The following UTRN variants were observed in gnomAD, a reference collection of about 807,000 sequenced individuals.
UTRN encodes the protein dystrophin-related protein 1.
In UTRN, 283 loss-of-function variants were observed where a neutral mutation model predicts 463.9. That is an observed-to-expected ratio of 0.61 (90% CI 0.55 to 0.67). UTRN has a LOEUF of 0.67. Ranked by LOEUF, UTRN falls within the 30% of genes least tolerant of loss-of-function variation. The pLI is 0.00. For missense variants in UTRN, 3,922 were observed against 4,084.3 expected (o/e 0.96, Z 1.08); for synonymous variants, 1,442 against 1,431.5 (o/e 1.01, Z -0.17).
intron 55 of UTRN, among the ~76,000 whole-genome samples, chr6:144,748,746 A>G (rs937006501): frequency 6.6e-6 from 1 of 152,158 alleles, no homozygotes; most frequent in African/African-American, 2.4e-5. Context: ...GATAATTTAC[A>G]TTTATTTTTA....
intron 51 of UTRN, among the ~76,000 whole-genome samples, chr6:144,603,035 T>C (rs9403566): frequency 0.15 from 22,876 of 152,198 alleles, 1,936 homozygotes; most frequent in South Asian, 0.27. Flanking sequence ...ATGTAAAGCA[T>C]CTTTGCACAA....
rs200639749 is a variant in UTRN at position 144,474,691 on chromosome 6, G to C, written c.3268G>C (p.Gly1090Arg). 9 of 1,613,948 alleles carry C rather than the reference G, an allele frequency of 5.6e-6. No homozygotes were observed. The highest frequency in any genetic ancestry group is 7.6e-6 in the Non-Finnish European group (9 of 1,179,996). Residue 1090 changes from glycine (G) to arginine (R), a missense_variant, in exon 25 of 75, where the codon GGA becomes CGA. Physicochemically the swap from Gly to Arg is moderately radical, Grantham distance 125 (BLOSUM62 -2). Transcript: ENST00000367545. ...TAATCTTCGAAGTGGTCCAGTTGCT[G>C]GAATAAAAACTTGGGTGCAGACAAG... is the stretch of plus-strand genomic sequence containing the variant. Reference protein sequence around the residue: ...ETNLRSGPVAGIKTWVQTRLG... With the variant: ...ETNLRSGPVARIKTWVQTRLG...
chr6:144,404,376 A>G (rs149785933), intron 3 of UTRN, among the ~76,000 whole-genome samples: 1 of 152,306 alleles, frequency 6.6e-6, no homozygotes, highest in African/African-American at 2.4e-5. Context: ...CAGGTAACAT[A>G]TGTGCATCTC....
chr6:144,795,271 T>C (rs1452922763), intron 63 of UTRN, among the ~76,000 whole-genome samples: 1 of 152,220 alleles, frequency 6.6e-6, no homozygotes, highest in Non-Finnish European at 1.5e-5. Context: ...CAGTGTATCA[T>C]TGATGGGCAT....
At chr6:144,513,159 G>T (rs1345672466) in intron 35 of UTRN, among the ~76,000 whole-genome samples, 1 of 152,202 alleles carries the variant, frequency 6.6e-6, no homozygotes, top group Non-Finnish European at 1.5e-5. Flanking sequence ...TGGTGATACT[G>T]AGGTAAGGAT....
intron 2 of UTRN, among the ~76,000 whole-genome samples, chr6:144,395,280 C>G (rs939890287): frequency 6.6e-6 from 1 of 152,214 alleles, no homozygotes; most frequent in South Asian, 2.1e-4. Context: ...AATCTTCACT[C>G]CAGGACAAAA....
chr6:144,759,505 C>T (rs995572762), intron 58 of UTRN, among the ~76,000 whole-genome samples: 1 of 152,032 alleles, frequency 6.6e-6, no homozygotes, highest in Non-Finnish European at 1.5e-5. Context: ...GAAAGATGCT[C>T]ACATCATAAT....
At chr6:144,589,026 ATTAAT>A (rs1802747548) in intron 51 of UTRN, among the ~76,000 whole-genome samples, 1 of 152,218 alleles carries the variant, frequency 6.6e-6, no homozygotes. Flanking sequence ...CTCTAAAAAG[ATTAAT>A]TTATAACAAA....
At chr6:144,599,696 A>T (rs1804034510) in intron 51 of UTRN, among the ~76,000 whole-genome samples, 1 of 152,200 alleles carries the variant, frequency 6.6e-6, no homozygotes, top group East Asian at 1.9e-4. Flanking sequence ...AGTAGAAAGG[A>T]AGGAAGAAGA....
At chr6:144,324,065 T>C (rs1192044199) in intron 2 of UTRN, among the ~76,000 whole-genome samples, 2 of 152,190 alleles carry the variant, frequency 1.3e-5, no homozygotes, top group Non-Finnish European at 1.5e-5. Context: ...AGGCAGACCT[T>C]TAGGGGTCAG....
intron 58 of UTRN, among the ~76,000 whole-genome samples, chr6:144,771,322 G>A (rs970713606): frequency 3.3e-5 from 5 of 152,014 alleles, no homozygotes; most frequent in Admixed American, 6.6e-5. Context: ...ATGAGGTCTC[G>A]CTATGTTGCC....
Position 144,789,973 on chromosome 6 carries a change from G to A in UTRN, c.8920+694G>A, listed in dbSNP as rs911520440. On this transcript the variant is annotated intron_variant, in intron 62 of 74. Coordinates refer to ENST00000367545, the MANE Select transcript of UTRN (RefSeq NM_007124.3). ...AATCTCTACCACTTAGTAGCTGAGTGTCTTTGGGCAGGTTATGTGATTTCA... is the reference window on the plus strand; with the variant it reads ...AATCTCTACCACTTAGTAGCTGAGTATCTTTGGGCAGGTTATGTGATTTCA... Among the ~76,000 whole-genome samples, 5 of 152,212 alleles carry A rather than the reference G, an allele frequency of 3.3e-5. 1 individual carries two copies. The highest frequency in any genetic ancestry group is 1.2e-4 in the African/African-American group (5 of 41,450).
intron 51 of UTRN, among the ~76,000 whole-genome samples, chr6:144,606,473 A>G (rs189470853): frequency 6.6e-5 from 10 of 152,320 alleles, no homozygotes; most frequent in Non-Finnish European, 1.0e-4. Flanking sequence ...GACATTTTCA[A>G]TATTTTCATT....
intron 2 of UTRN, among the ~76,000 whole-genome samples, chr6:144,388,255 G>A (rs1042695886): frequency 2.0e-5 from 3 of 151,898 alleles, no homozygotes; most frequent in Non-Finnish European, 4.4e-5. Context: ...AATACATTGT[G>A]AAAATCCTTC....
intron 63 of UTRN, among the ~76,000 whole-genome samples, chr6:144,796,812 T>G (rs1356695026): frequency 6.6e-6 from 1 of 152,230 alleles, no homozygotes; most frequent in Non-Finnish European, 1.5e-5. Context: ...GGTTATTACA[T>G]TTTATAATGG....
In UTRN at chr6:144,485,603, G is replaced by T. The variant is rs943201135; in HGVS notation, c.3822+84G>T. ...TACAATGAGGAATGTAATGCTTTACGCAGGCAAATGCATTTGCTTCCTCAG... is the reference window on the plus strand; with the variant it reads ...TACAATGAGGAATGTAATGCTTTACTCAGGCAAATGCATTTGCTTCCTCAG... On this transcript the variant is annotated intron_variant, in intron 28 of 74. Coordinates refer to ENST00000367545, the MANE Select transcript of UTRN (RefSeq NM_007124.3). 2.6e-6 allele frequency: 4 copies of T among 1,548,714 alleles called. No homozygotes were observed. In the East Asian group the frequency reaches 6.8e-5, roughly 26 times the overall value.
At chr6:144,670,567 C>T (rs1425869433) in intron 51 of UTRN, among the ~76,000 whole-genome samples, 1 of 151,818 alleles carries the variant, frequency 6.6e-6, no homozygotes, top group East Asian at 1.9e-4. Context: ...ATTTTTCCCA[C>T]TCTGTGACTC....
intron 58 of UTRN, among the ~76,000 whole-genome samples, chr6:144,759,147 G>A (rs1792352851): frequency 6.6e-6 from 1 of 151,990 alleles, no homozygotes. Context: ...TAGCTTATGG[G>A]AGTTTAATAT....
In UTRN at chr6:144,836,473, C is replaced by A. The variant is rs764656565; in HGVS notation, c.9997C>A (p.Gln3333Lys). 1.7e-5 allele frequency: 28 copies of A among 1,613,668 alleles called. No homozygotes were observed. Among genetic ancestry groups the A allele is most frequent in the Non-Finnish European group, 2.3e-5 (27 of 1,179,860 alleles). The change falls in exon 71 of 75, where the codon CAG (glutamine) becomes AAG (lysine). Residue 3333 changes from glutamine to lysine, a missense_variant. Around this residue, in one of 3 missense-constraint regions of UTRN, gnomAD observed 1,309 missense variants for 1,452.6 expected, o/e 0.90. Coordinates refer to ENST00000367545, the MANE Select transcript of UTRN (RefSeq NM_007124.3). ...QHKGRLEARM[Q>K]ILEDHNKQLE... Reference sequence around the variant, plus strand: ...CAAAGGTCGGCTGGAGGCTAGGATGCAGATTTTAGAAGATCACAATAAACA... The same window carrying A: ...CAAAGGTCGGCTGGAGGCTAGGATGAAGATTTTAGAAGATCACAATAAACA...
Sources: allele counts gnomAD v4.1 joint callset (sites outside exome capture counted in the v4.1 genomes callset), GRCh38; gene constraint gnomAD v4.1.1; regional missense constraint gnomAD v4.1.1; transcripts MANE v1.5; gene names NCBI Gene and HGNC (gene_info 2026-07-23, HGNC 2026-07-21).